Variants in GALNT11 observed in about 807,000 individuals in gnomAD.
GALNT11 encodes UDP-GalNAc:polypeptide N-acetylgalactosaminyltransferase 11.
In GALNT11, 47 loss-of-function variants were observed where a neutral mutation model predicts 72.7. That is an observed-to-expected ratio of 0.65 (90% confidence interval 0.51 to 0.82). GALNT11 has a LOEUF of 0.82. Among genes scored for constraint, GALNT11 ranks in the 40% least tolerant of loss-of-function variants. GALNT11 has a pLI of 0.00. For synonymous variants in GALNT11, 270 were observed against 286.6 expected, an observed-to-expected ratio of 0.94 and a Z score of 0.58; for missense variants, 677 against 778.4, an observed-to-expected ratio of 0.87 and a Z score of 1.55.
At chr7:152,093,506 A>G (rs1228913221) in intron 1 of GALNT11, among the ~76,000 whole-genome samples, 2 of 151,666 alleles carry the variant, frequency 1.3e-5, no homozygotes, top group Non-Finnish European at 2.9e-5. Flanking sequence ...GCTCACCACA[A>G]CCTCCGCCTC....
At chr7:152,116,642 T>A (rs2088887584) in intron 8 of GALNT11, among the ~76,000 whole-genome samples, 1 of 152,230 alleles carries the variant, frequency 6.6e-6, no homozygotes, top group Admixed American at 6.5e-5. Context: ...GGAGTAGTAT[T>A]AACCCCATAA....
At chr7:152,096,729 A>AG (rs1210182151) in intron 2 of GALNT11, among the ~76,000 whole-genome samples, 27 of 152,140 alleles carry the variant, frequency 1.8e-4, no homozygotes, top group Admixed American at 9.2e-4. Flanking sequence ...AAAAAAAAAA[A>AG]AAAGTGAAAA....
At chr7:152,101,970 C>T (rs2086962179) in intron 3 of GALNT11, among the ~76,000 whole-genome samples, 1 of 152,054 alleles carries the variant, frequency 6.6e-6, no homozygotes, top group Non-Finnish European at 1.5e-5. Flanking sequence ...GCTCCTAACC[C>T]TTTTTTTCCC....
chr7:152,079,767 C>T (rs2085207993), intron 1 of GALNT11, among the ~76,000 whole-genome samples: 1 of 152,142 alleles, frequency 6.6e-6, no homozygotes, highest in Non-Finnish European at 1.5e-5. Context: ...TTGTCATCAC[C>T]TGGTAATTTC....
chr7:152,114,318 C>T (rs1431040058), intron 8 of GALNT11, among the ~76,000 whole-genome samples: 3 of 152,164 alleles, frequency 2.0e-5, no homozygotes, highest in Non-Finnish European at 4.4e-5. Flanking sequence ...AGCCAATAAG[C>T]AACCATTAAT....
At chr7:152,058,412 G>A (rs1384238021) in intron 1 of GALNT11, among the ~76,000 whole-genome samples, 4 of 152,004 alleles carry the variant, frequency 2.6e-5, no homozygotes, top group Admixed American at 6.6e-5. Context: ...TCGGCTCACC[G>A]CAACCTCTGC....
chr7:152,106,289 C>G (rs1172129377), intron 5 of GALNT11, among the ~76,000 whole-genome samples: 1 of 152,230 alleles, frequency 6.6e-6, no homozygotes, highest in African/African-American at 2.4e-5. Context: ...ATTCCACGCT[C>G]TCCTAGATAA....
intron 1 of GALNT11, among the ~76,000 whole-genome samples, chr7:152,077,251 T>G (rs1260924990): frequency 6.6e-6 from 1 of 152,212 alleles, no homozygotes; most frequent in East Asian, 1.9e-4. Context: ...CAGCTGATAC[T>G]TTTCTGAAAA....
intron 1 of GALNT11, among the ~76,000 whole-genome samples, chr7:152,062,698 G>T (rs1356870444): frequency 6.6e-6 from 1 of 152,104 alleles, no homozygotes; most frequent in East Asian, 1.9e-4. Context: ...TTTGTCAAAG[G>T]CCTTTTCTGC....
intron 1 of GALNT11, among the ~76,000 whole-genome samples, chr7:152,072,738 G>A (rs769417164): frequency 5.9e-5 from 9 of 152,194 alleles, no homozygotes; most frequent in South Asian, 2.1e-4. Flanking sequence ...TTAGCCAATC[G>A]GGTTTTAGTT....
At chr7:152,040,657 C>T (rs1183304592) in intron 1 of GALNT11, among the ~76,000 whole-genome samples, 1 of 152,118 alleles carries the variant, frequency 6.6e-6, no homozygotes, top group African/African-American at 2.4e-5. Flanking sequence ...ATCAGTTGTT[C>T]ATCTGTATGA....
intron 7 of GALNT11, among the ~76,000 whole-genome samples, chr7:152,111,620 G>GTGTC (rs1202123106): frequency 2.0e-5 from 3 of 147,530 alleles, no homozygotes; most frequent in African/African-American, 8.0e-5. Context: ...TCCACTCTGT[G>GTGTC]TGTGTGTGTA....
At chr7:152,067,359 A>G (rs568528747) in intron 1 of GALNT11, among the ~76,000 whole-genome samples, 1 of 152,308 alleles carries the variant, frequency 6.6e-6, no homozygotes, top group African/African-American at 2.4e-5. Context: ...TTGAGGGCGA[A>G]GTGTCTAAAT....
At chr7:152,049,445 G>A (rs968306221) in intron 1 of GALNT11, among the ~76,000 whole-genome samples, 11 of 152,272 alleles carry the variant, frequency 7.2e-5, no homozygotes, top group East Asian at 5.8e-4. Flanking sequence ...GGATTACCAG[G>A]TAGAGATGCT....
intron 1 of GALNT11, among the ~76,000 whole-genome samples, chr7:152,081,179 G>C (rs1462146186): frequency 6.6e-6 from 1 of 152,208 alleles, no homozygotes; most frequent in East Asian, 1.9e-4. Flanking sequence ...TGGAAGATTA[G>C]TGGAATTAAG....
intron 1 of GALNT11, among the ~76,000 whole-genome samples, chr7:152,062,713 A>G (rs1416105912): frequency 3.3e-5 from 5 of 152,258 alleles, no homozygotes; most frequent in East Asian, 1.9e-4. Flanking sequence ...TTCTGCATCT[A>G]TTGAGATAAT....
rs1393522336 is a variant in GALNT11, at chr7:152,037,286, C to T, written c.-39+11402C>T. On this transcript the variant is annotated intron_variant, in intron 1 of 11. Coordinates refer to ENST00000430044, the MANE Select transcript of GALNT11 (RefSeq NM_022087.4). ...GTTTCATTCTTCTGCATATGTATAT[C>T]GAGTTTTCGCAGCACCATTTATTGA... 3.3e-5 allele frequency among the ~76,000 whole-genome samples: 5 copies of T among 152,154 alleles called. No homozygotes were observed. The South Asian group carries it at 6.2e-4, about 19-fold the overall frequency.
intron 1 of GALNT11, among the ~76,000 whole-genome samples, chr7:152,076,079 A>C (rs2084953322): frequency 6.6e-6 from 1 of 150,794 alleles, no homozygotes; most frequent in Non-Finnish European, 1.5e-5. Flanking sequence ...AAAAAAAAAA[A>C]AAAAAAAAAA....
chr7:152,104,518 A>C (rs1000087725), intron 4 of GALNT11: 2 of 152,222 alleles, frequency 1.3e-5, no homozygotes, highest in Non-Finnish European at 2.9e-5. Context: ...GATTGGTTAC[A>C]TACTGATTTC....
Sources: allele counts gnomAD v4.1 joint callset (sites outside exome capture counted in the v4.1 genomes callset), GRCh38; gene constraint gnomAD v4.1.1; transcripts MANE v1.5; gene names NCBI Gene and HGNC (gene_info 2026-07-23, HGNC 2026-07-21).